DNAJC1: variants seen among roughly 807,000 people sequenced by gnomAD.
DNAJC1 encodes dnaJ homolog subfamily C member 1.
In DNAJC1, 58 loss-of-function variants were observed where a neutral mutation model predicts 76.6. The observed-to-expected ratio is 0.76, with a 90% CI of 0.61 to 0.94. The LOEUF (loss-of-function observed/expected upper bound fraction) is 0.94, where lower values mean the gene tolerates loss of function less well. Among genes scored for constraint, DNAJC1 ranks in the 40% least tolerant of loss-of-function variants. The probability of loss-of-function intolerance (pLI) is 0.00; values close to 1 mark genes in which losing one functional copy is unlikely to be tolerated. For missense variants in DNAJC1, 689 were observed against 677.3 expected, an observed-to-expected ratio of 1.02 and a Z score of -0.19; for synonymous variants, 258 against 267.9, an observed-to-expected ratio of 0.96 and a Z score of 0.36.
intron 7 of DNAJC1, among the ~76,000 whole-genome samples, chr10:21,904,194 G>A (rs897521324): frequency 2.6e-5 from 4 of 152,086 alleles, no homozygotes; most frequent in Non-Finnish European, 5.9e-5. Flanking sequence ...GTGATTAACT[G>A]GTTAAACTAG....
At chr10:21,976,734 C>T (rs1213522861) in intron 1 of DNAJC1, among the ~76,000 whole-genome samples, 1 of 152,138 alleles carries the variant, frequency 6.6e-6, no homozygotes, top group Admixed American at 6.5e-5. Flanking sequence ...CAGCTCTTCC[C>T]ACTAAGCAAC....
intron 3 of DNAJC1, among the ~76,000 whole-genome samples, chr10:21,926,729 AAG>A (rs2131777427): frequency 6.6e-6 from 1 of 152,342 alleles, no homozygotes; most frequent in South Asian, 2.1e-4. Flanking sequence ...CCAGTTACCA[AAG>A]AGTTACTTGT....
intron 8 of DNAJC1, among the ~76,000 whole-genome samples, chr10:21,868,210 C>T (rs559842935): frequency 9.4e-5 from 14 of 148,760 alleles, no homozygotes; most frequent in African/African-American, 2.0e-4. Context: ...CCACAATCTC[C>T]GCCTCCTGGG....
At chr10:21,821,546 G>A (rs973920751) in intron 8 of DNAJC1, among the ~76,000 whole-genome samples, 2 of 152,024 alleles carry the variant, frequency 1.3e-5, no homozygotes, top group South Asian at 2.1e-4. Context: ...TGAGAAAATC[G>A]ATGGGAAGCC....
intron 9 of DNAJC1, among the ~76,000 whole-genome samples, chr10:21,786,472 A>AGG (rs1475827898): frequency 7.4e-6 from 1 of 134,772 alleles, no homozygotes; most frequent in African/African-American, 3.0e-5. Flanking sequence ...ATAGAGAGAG[A>AGG]GAGAGAGAGA....
chr10:21,790,010 T>TAAAAAAAAAAAAAAA lies in DNAJC1; in HGVS notation c.1098+15955_1098+15969dup, dbSNP rs35639440. Among the ~76,000 whole-genome samples the TAAAAAAAAAAAAAAA allele has an allele frequency of 2.8e-3, 117 of 41,096 alleles. 1 individual carries two copies. Among genetic ancestry groups the TAAAAAAAAAAAAAAA allele is most frequent in the Non-Finnish European group, 2.7e-3 (70 of 25,840 alleles). The allele number at this position is 41,096 out of a possible 152,430, so 27.0% of individuals were successfully genotyped here. ...GGGCAACACAGCAAGGCTCTGTCTTTAAAAAAAAAAAAAAAAAAAAAAAAA... is the reference window on the plus strand; with the variant it reads ...GGGCAACACAGCAAGGCTCTGTCTTTAAAAAAAAAAAAAAAAAAAAAAAAAAAAAAAAAAAAAAAA... On this transcript the variant is annotated intron_variant, in intron 9 of 11. Transcript: ENST00000376980.
chr10:21,760,289 T>A (rs1456251349), intron 10 of DNAJC1, among the ~76,000 whole-genome samples: 1 of 152,090 alleles, frequency 6.6e-6, no homozygotes, highest in Non-Finnish European at 1.5e-5. Context: ...TCTCTAAAAG[T>A]AATAATAATT....
chr10:21,933,540 G>C (rs948635758), intron 1 of DNAJC1: 1 of 151,832 alleles, frequency 6.6e-6, no homozygotes. Flanking sequence ...ACTTCTGGCT[G>C]ATATTCAGGC....
chr10:21,814,706 A>G (rs1021311192), intron 8 of DNAJC1, among the ~76,000 whole-genome samples: 3 of 152,168 alleles, frequency 2.0e-5, no homozygotes, highest in Non-Finnish European at 4.4e-5. Context: ...AGAGAAAGAT[A>G]CACTCTTGTA....
intron 7 of DNAJC1, among the ~76,000 whole-genome samples, chr10:21,900,448 C>G (rs2131740837): frequency 6.6e-6 from 1 of 151,908 alleles, no homozygotes; most frequent in South Asian, 2.1e-4. Context: ...TGAATCATTG[C>G]CATGGGGAAA....
intron 7 of DNAJC1, among the ~76,000 whole-genome samples, chr10:21,886,513 A>G (rs1836368247): frequency 6.6e-6 from 1 of 152,182 alleles, no homozygotes; most frequent in African/African-American, 2.4e-5. Context: ...AAAACCTGGC[A>G]GAGCCACAAC....
intron 9 of DNAJC1, among the ~76,000 whole-genome samples, chr10:21,775,879 G>A (rs893544510): frequency 1.7e-4 from 26 of 151,964 alleles, no homozygotes; most frequent in African/African-American, 6.0e-4. Flanking sequence ...GGCTTGGGTG[G>A]GCTTTTGGAC....
chr10:21,810,357 C>T (rs1332265811), intron 8 of DNAJC1, among the ~76,000 whole-genome samples: 1 of 152,072 alleles, frequency 6.6e-6, no homozygotes, highest in Non-Finnish European at 1.5e-5. Flanking sequence ...TCAATATTGG[C>T]GATCCTCCTA....
intron 8 of DNAJC1, among the ~76,000 whole-genome samples, chr10:21,879,459 A>G (rs531668615): frequency 6.6e-6 from 1 of 152,156 alleles, no homozygotes; most frequent in East Asian, 1.9e-4. Context: ...CCCCATCTCT[A>G]CCAAAAGTAC....
At chr10:21,841,347 A>T (rs1338200811) in intron 8 of DNAJC1, among the ~76,000 whole-genome samples, 2 of 152,160 alleles carry the variant, frequency 1.3e-5, no homozygotes, top group Non-Finnish European at 2.9e-5. Flanking sequence ...TTTGCAACCT[A>T]CTCATCTGAC....
At chr10:21,818,329 G>A (rs1835106391) in intron 8 of DNAJC1, among the ~76,000 whole-genome samples, 1 of 152,076 alleles carries the variant, frequency 6.6e-6, no homozygotes, top group Admixed American at 6.6e-5. Flanking sequence ...TAAATTTTTG[G>A]TCAGACCAGT....
At chr10:21,791,862 A>G (rs1834692668) in intron 9 of DNAJC1, among the ~76,000 whole-genome samples, 1 of 152,134 alleles carries the variant, frequency 6.6e-6, no homozygotes, top group Admixed American at 6.5e-5. Context: ...AAAGAAAGGA[A>G]TAATAGAGTT....
At chr10:21,868,995 C>T (rs1836055891) in intron 8 of DNAJC1, among the ~76,000 whole-genome samples, 1 of 151,976 alleles carries the variant, frequency 6.6e-6, no homozygotes, top group East Asian at 1.9e-4. Context: ...TAAAGGAAAT[C>T]AAAGTATTTT....
intron 9 of DNAJC1, among the ~76,000 whole-genome samples, chr10:21,790,026 A>AAAAAAAAAAAAAAAAAAAG (rs1564788584): frequency 1.3e-5 from 2 of 149,422 alleles, no homozygotes; most frequent in African/African-American, 5.0e-5. Flanking sequence ...AAAAAAAAAA[A>AAAAAAAAAAAAAAAAAAAG]AAAAAAAAAA....
Sources: allele counts gnomAD v4.1 joint callset (sites outside exome capture counted in the v4.1 genomes callset), GRCh38; gene constraint gnomAD v4.1.1; transcripts MANE v1.5; gene names NCBI Gene and HGNC (gene_info 2026-07-23, HGNC 2026-07-21).